The following EBF2 variants were observed in gnomAD, a reference collection of about 807,000 sequenced individuals.
EBF2 encodes EBF transcription factor 2, also known as transcription factor COE2.
Under a neutral mutation model 72.8 loss-of-function variants are expected in EBF2, and 21 were observed. The observed-to-expected ratio is 0.29, with a 90% CI of 0.20 to 0.42. EBF2 has a LOEUF of 0.42. Ranked by LOEUF, EBF2 falls within the 10% of genes least tolerant of loss-of-function variation. The pLI, the probability that EBF2 is intolerant of heterozygous loss-of-function variation, is 1.00. For synonymous variants in EBF2, 299 were observed against 274.2 expected, an observed-to-expected ratio of 1.09 and a Z score of -0.89; for missense variants, 637 against 731.2, an observed-to-expected ratio of 0.87 and a Z score of 1.49.
At chr8:25,964,629 C>T (rs376747734) in intron 6 of EBF2, among the ~76,000 whole-genome samples, 7 of 152,294 alleles carry the variant, frequency 4.6e-5, no homozygotes, top group Middle Eastern at 3.4e-3. Context: ...GTCCTGGACA[C>T]GGTCCACTAT....
intron 6 of EBF2, among the ~76,000 whole-genome samples, chr8:25,917,506 C>T (rs1409407834): frequency 1.3e-5 from 2 of 152,142 alleles, no homozygotes; most frequent in Non-Finnish European, 2.9e-5. Context: ...CAACCCATGT[C>T]CTCTTCTTTG....
chr8:25,980,868 T>G (rs988053885), intron 6 of EBF2, among the ~76,000 whole-genome samples: 1 of 142,136 alleles, frequency 7.0e-6, no homozygotes, highest in Non-Finnish European at 1.5e-5. Flanking sequence ...TGGGAACCCA[T>G]GAGAAAACTG....
At position 25,883,404 on chromosome 8, in the gene EBF2, T is replaced by A. The variant is rs1312605707; in HGVS notation, c.1009+3351A>T. Among the ~76,000 whole-genome samples the A allele has an allele frequency of 2.1e-4, 29 of 137,144 alleles. 1 individual carries two copies. Among genetic ancestry groups the A allele is most frequent in the Admixed American group, 2.1e-3 (29 of 14,072 alleles). The allele number at this position is 137,144 out of a possible 152,430, so 90.0% of individuals were successfully genotyped here. A position where few individuals can be genotyped will look rare whatever the true frequency, so the allele number is the denominator to read the frequency against. On this transcript the variant is annotated intron_variant, in intron 10 of 15. Coordinates refer to ENST00000520164, the MANE Select transcript of EBF2 (RefSeq NM_022659.4). ...GAATCTAGTTATTGTAATGTAACTG[T>A]AGCCATCTCCCTTTTTTTTTTTTTT...
chr8:26,033,089 C>T lies in EBF2; in HGVS notation c.547G>A (p.Asp183Asn). ...NETPSDPVII[D>N]RFFLKFFLKC... ...AAAATCACTTTTTCCCCCTACCTGT[C>T]AATTATGACTGGGTCCGATGGAGTC... Residue 183 changes from aspartate (D) to asparagine (N), a missense_variant, in exon 6 of 16, where the codon GAC becomes AAC. Transcript: ENST00000520164. 1 of 1,614,088 alleles carries T rather than the reference C, an allele frequency of 6.2e-7. No individual in the cohort carries two copies. Among genetic ancestry groups the T allele is most frequent in the Non-Finnish European group, 8.5e-7 (1 of 1,179,946 alleles).
At position 26,042,082 on chromosome 8, in the gene EBF2, AC is replaced by A; in HGVS notation, c.288+12del. The stretch of plus-strand genomic sequence containing the variant: ...TATTAGGCCGCGGGGTTTGGGGGGT[AC>A]TTTCCGCTTACTTTGTCATTCTCCA... On this transcript the variant is annotated intron_variant, in intron 2 of 15. Transcript: ENST00000520164. 1 of 1,612,662 alleles carries A rather than the reference AC, an allele frequency of 6.2e-7. No individual in the cohort carries two copies.
At chr8:26,014,387 T>C (rs1796446232) in intron 6 of EBF2, among the ~76,000 whole-genome samples, 1 of 152,140 alleles carries the variant, frequency 6.6e-6, no homozygotes, top group Admixed American at 6.5e-5. Flanking sequence ...TTAGTATTAT[T>C]TTGGTGGAGA....
At position 25,938,664 on chromosome 8, in the gene EBF2, G is replaced by A. The variant is rs557700316; in HGVS notation, c.552-30109C>T. ...ACTGTTTTTAGGGTGTCCGTCTTCC[G>A]GGCAGTAAGAAGGAAGTCAAATACT... On this transcript the variant is annotated intron_variant, in intron 6 of 15. Transcript: ENST00000520164. Among the ~76,000 whole-genome samples, 97 of 152,078 alleles carry A rather than the reference G, an allele frequency of 6.4e-4. 2 individuals are homozygous for A. Among genetic ancestry groups the A allele is most frequent in the Non-Finnish European group, 1.1e-3 (74 of 67,992 alleles).
intron 6 of EBF2, among the ~76,000 whole-genome samples, chr8:26,004,022 G>A (rs1255829265): frequency 6.6e-6 from 1 of 151,784 alleles, no homozygotes; most frequent in Non-Finnish European, 1.5e-5. Flanking sequence ...CTTCCACTCT[G>A]TGGAGGACTT....
intron 6 of EBF2, among the ~76,000 whole-genome samples, chr8:25,961,187 A>C (rs1235950105): frequency 6.6e-6 from 1 of 152,204 alleles, no homozygotes; most frequent in Non-Finnish European, 1.5e-5. Flanking sequence ...ATGATATAGT[A>C]CATATCATTT....
intron 6 of EBF2, among the ~76,000 whole-genome samples, chr8:25,941,580 G>A (rs1225284971): frequency 6.6e-6 from 1 of 152,106 alleles, no homozygotes; most frequent in Non-Finnish European, 1.5e-5. Flanking sequence ...CCACAGATTA[G>A]CAAAGGAGTC....
At chr8:25,883,096 G>A (rs538388009) in intron 10 of EBF2, among the ~76,000 whole-genome samples, 61 of 152,278 alleles carry the variant, frequency 4.0e-4, no homozygotes, top group African/African-American at 1.4e-3. Context: ...TGGAAAAGGA[G>A]GACTTTGACT....
intron 14 of EBF2, among the ~76,000 whole-genome samples, chr8:25,853,264 T>A (rs980141959): frequency 6.6e-6 from 1 of 152,010 alleles, no homozygotes. Context: ...AAAAGGCAAA[T>A]GACAGATTAA....
intron 5 of EBF2, 78 bp from the exon 6 acceptor site, chr8:26,033,231 T>A (rs982554258): frequency 7.0e-7 from 1 of 1,427,512 alleles, no homozygotes; most frequent in South Asian, 1.1e-5. Context: ...ACAAGAACAT[T>A]TTTTCCCCCC....
rs572421824 is a variant in EBF2 at position 25,865,917 on chromosome 8, C to T, written c.1010-3120G>A. On this transcript the variant is annotated intron_variant, in intron 10 of 15. Coordinates refer to ENST00000520164, the MANE Select transcript of EBF2 (RefSeq NM_022659.4). ...GCGGGTGCCTGTAGTCCCAGCTACT[C>T]GGGAGGCTGAGGCAGGAGAATGGCG... Among the ~76,000 whole-genome samples, 6 of 151,530 alleles carry T rather than the reference C, an allele frequency of 4.0e-5. No individual in the cohort carries two copies. The South Asian group carries it at 8.4e-4, about 21-fold the overall frequency.
intron 6 of EBF2, among the ~76,000 whole-genome samples, chr8:26,001,909 C>T (rs1804733337): frequency 6.6e-6 from 1 of 152,154 alleles, no homozygotes; most frequent in South Asian, 2.1e-4. Context: ...TCCTACACAG[C>T]CTCTGGATCC....
intron 8 of EBF2, among the ~76,000 whole-genome samples, chr8:25,889,511 A>G (rs760746833): frequency 3.3e-5 from 5 of 152,150 alleles, no homozygotes; most frequent in Non-Finnish European, 7.3e-5. Context: ...ACAAAAAGGA[A>G]AACACAGAAC....
intron 6 of EBF2, among the ~76,000 whole-genome samples, chr8:25,946,243 A>C: frequency 6.6e-6 from 1 of 152,238 alleles, no homozygotes; most frequent in East Asian, 1.9e-4. Context: ...GGAGTGGGGC[A>C]TGGGACTGTG....
chr8:25,899,736 G>A (rs1170669418), intron 7 of EBF2, among the ~76,000 whole-genome samples: 3 of 152,100 alleles, frequency 2.0e-5, no homozygotes, highest in South Asian at 2.1e-4. Flanking sequence ...CTAATGGCTC[G>A]TGCCCAGCTG....
At chr8:26,000,731 C>T (rs1585221932) in intron 6 of EBF2, among the ~76,000 whole-genome samples, 1 of 152,170 alleles carries the variant, frequency 6.6e-6, no homozygotes, top group South Asian at 2.1e-4. Flanking sequence ...GCCTTTGGAA[C>T]TGAAATATCA....
Sources: allele counts gnomAD v4.1 joint callset (sites outside exome capture counted in the v4.1 genomes callset), GRCh38; gene constraint gnomAD v4.1.1; transcripts MANE v1.5; gene names NCBI Gene and HGNC (gene_info 2026-07-23, HGNC 2026-07-21).